The following RORA variants were observed in gnomAD, a reference collection of about 807,000 sequenced individuals.
RORA encodes the protein RAR related orphan receptor A, also known as nuclear receptor ROR-alpha.
Under a neutral mutation model 69.5 loss-of-function variants are expected in RORA, and 7 were observed. The observed-to-expected ratio is 0.10, with a 90% CI of 0.06 to 0.19. The LOEUF (loss-of-function observed/expected upper bound fraction) is 0.19, where lower values mean the gene tolerates loss of function less well. Ranked by LOEUF, RORA falls within the 10% of genes least tolerant of loss-of-function variation. The probability of loss-of-function intolerance (pLI) is 1.00; values close to 1 mark genes in which losing one functional copy is unlikely to be tolerated. For synonymous variants in RORA, 261 were observed against 240.8 expected (o/e 1.08, Z -0.78); for missense variants, 457 against 663.0 (o/e 0.69, Z 3.41).
At position 60,678,780 on chromosome 15, in the gene RORA, A is replaced by C. The variant is rs2070594096; in HGVS notation, c.167-94T>G. 3.8e-6 allele frequency: 4 copies of C among 1,056,614 alleles called. No individual in the cohort carries two copies. In the Admixed American group the frequency reaches 7.1e-5, roughly 19 times the overall value. The allele number at this position is 1,056,614 out of a possible 1,614,324, so 65.5% of individuals were successfully genotyped here. A position where few individuals can be genotyped will look rare whatever the true frequency, so the allele number is the denominator to read the frequency against. On this transcript the variant is annotated intron_variant, in intron 1 of 10. Coordinates refer to ENST00000335670, the MANE Select transcript of RORA (RefSeq NM_134261.3). ...TCCCAGTGTGCTCAGGAAGGCGTTT[A>C]GTTCAGATGGGGAAGTGGAAGCAAG...
intron 1 of RORA, among the ~76,000 whole-genome samples, chr15:60,826,754 T>TCC (rs1310236544): frequency 5.8e-4 from 47 of 81,364 alleles, no homozygotes; most frequent in African/African-American, 1.3e-3. Context: ...TCTCTCTCTC[T>TCC]CTCTCTCTCT....
At chr15:60,505,352 C>G (rs577001367) in intron 6 of RORA, among the ~76,000 whole-genome samples, 156 bp downstream of exon 6, 1 of 152,316 alleles carries the variant, frequency 6.6e-6, no homozygotes, top group South Asian at 2.1e-4. Context: ...AATGGCAAAG[C>G]CTCAAGTACA....
At chr15:61,050,524 C>G (rs1373534658) in intron 1 of RORA, among the ~76,000 whole-genome samples, 1 of 152,200 alleles carries the variant, frequency 6.6e-6, no homozygotes, top group Admixed American at 6.5e-5. Flanking sequence ...CTTCAGGGAG[C>G]TCCCAAGCTA....
intron 1 of RORA, among the ~76,000 whole-genome samples, chr15:60,691,987 A>G (rs2070834505): frequency 6.6e-6 from 1 of 152,192 alleles, no homozygotes; most frequent in Non-Finnish European, 1.5e-5. Context: ...CTTCTCCTAC[A>G]TGGCAATTCA....
intron 1 of RORA, among the ~76,000 whole-genome samples, chr15:60,680,669 G>A (rs1313647787): frequency 2.0e-5 from 3 of 152,112 alleles, no homozygotes; most frequent in Non-Finnish European, 2.9e-5. Flanking sequence ...TTATATTGGA[G>A]TTGCCAGATT....
intron 1 of RORA, among the ~76,000 whole-genome samples, chr15:61,030,560 G>A (rs1190563477): frequency 1.3e-5 from 2 of 152,192 alleles, no homozygotes; most frequent in Non-Finnish European, 2.9e-5. Context: ...AGGAAGAGTT[G>A]AAGCACAGGA....
At chr15:60,618,028 G>C (rs1014929409) in intron 2 of RORA, among the ~76,000 whole-genome samples, 1 of 152,194 alleles carries the variant, frequency 6.6e-6, no homozygotes, top group African/African-American at 2.4e-5. Flanking sequence ...TTGTAACCGA[G>C]GGCAATTTTT....
At chr15:60,946,757 C>A in intron 1 of RORA, among the ~76,000 whole-genome samples, 1 of 151,784 alleles carries the variant, frequency 6.6e-6, no homozygotes, top group South Asian at 2.1e-4. Context: ...AGCCCCTCTG[C>A]CCGGCTGCCC....
chr15:61,066,905 A>T (rs924976471), intron 1 of RORA, among the ~76,000 whole-genome samples: 2 of 110,850 alleles, frequency 1.8e-5, no homozygotes, highest in African/African-American at 7.0e-5. Context: ...AAAAAAAAAA[A>T]ACCCAAAAAG....
chr15:60,739,695 C>A (rs2071548800), intron 1 of RORA, among the ~76,000 whole-genome samples: 1 of 152,162 alleles, frequency 6.6e-6, no homozygotes, highest in Non-Finnish European at 1.5e-5. Context: ...AAGTGCCCTG[C>A]CTCGGGGACC....
In RORA at chr15:60,809,830, T is replaced by C. The variant is rs112766849; in HGVS notation, c.167-131144A>G. Among the ~76,000 whole-genome samples the C allele has an allele frequency of 8.1e-3, 1,240 of 152,244 alleles. 11 individuals carry two copies. The highest frequency in any genetic ancestry group is 0.036 in the East Asian group (185 of 5,186). ...ATTAATAATTAACTTTTTTGCTTGC[T>C]TAATTTTCTCTCTACTTATTTCTTA... On this transcript the variant is annotated intron_variant, in intron 1 of 10. Coordinates refer to ENST00000335670, the MANE Select transcript of RORA (RefSeq NM_134261.3).
chr15:61,008,201 CTCTGTG>C (rs780701163), intron 1 of RORA, among the ~76,000 whole-genome samples: 13,496 of 105,970 alleles, frequency 0.13, 694 homozygotes, highest in South Asian at 0.3. Context: ...TTCTCTCTCT[CTCTGTG>C]TGTGTGTGTG....
At chr15:60,976,957 A>T (rs187427221) in intron 1 of RORA, among the ~76,000 whole-genome samples, 6 of 152,204 alleles carry the variant, frequency 3.9e-5, no homozygotes, top group Non-Finnish European at 5.9e-5. Context: ...TGTTTAGGTG[A>T]CCATGTGTCC....
intron 1 of RORA, among the ~76,000 whole-genome samples, chr15:60,946,502 G>C (rs967798371): frequency 1.3e-5 from 2 of 152,226 alleles, no homozygotes; most frequent in South Asian, 4.1e-4. Flanking sequence ...GCTCCTAACC[G>C]GGAGTGATCT....
At chr15:60,565,041 G>T (rs1049548102) in intron 2 of RORA, among the ~76,000 whole-genome samples, 1 of 152,098 alleles carries the variant, frequency 6.6e-6, no homozygotes, top group African/African-American at 2.4e-5. Context: ...AAGACAGAGT[G>T]TTCCTGAAAC....
intron 1 of RORA, among the ~76,000 whole-genome samples, chr15:61,160,335 C>T (rs1054017033): frequency 1.1e-4 from 17 of 152,120 alleles, no homozygotes; most frequent in African/African-American, 2.9e-4. Flanking sequence ...AAAGTAACTA[C>T]GAGGTGAGAA....
intron 1 of RORA, among the ~76,000 whole-genome samples, chr15:60,973,599 G>A (rs1893789160): frequency 6.6e-6 from 1 of 152,192 alleles, no homozygotes; most frequent in Non-Finnish European, 1.5e-5. Context: ...TTGTAACAGT[G>A]GTGACCTCTG....
chr15:60,517,288 C>T (rs1272362885), intron 3 of RORA, among the ~76,000 whole-genome samples: 4 of 152,022 alleles, frequency 2.6e-5, no homozygotes, highest in Non-Finnish European at 1.5e-5. Context: ...GGGCAGGACC[C>T]TGACTTCTCA....
In RORA at chr15:60,816,762, G is replaced by T. The variant is rs185727252; in HGVS notation, c.167-138076C>A. 2.0e-4 allele frequency among the ~76,000 whole-genome samples: 28 copies of T among 140,844 alleles called. No homozygotes were observed. The East Asian group carries it at 5.6e-3, about 28-fold the overall frequency. 92.4% of individuals were successfully genotyped at this position (140,844 alleles called of 152,430 possible). A position where few individuals can be genotyped will look rare whatever the true frequency, so the allele number is the denominator to read the frequency against. ...AAAAAATAAAATAAAATAAAATAAAGTGTAGTGTTGAAGTCTCCAGCTATC... is the reference window on the plus strand; with the variant it reads ...AAAAAATAAAATAAAATAAAATAAATTGTAGTGTTGAAGTCTCCAGCTATC... On this transcript the variant is annotated intron_variant, in intron 1 of 10. Transcript: ENST00000335670.
Sources: allele counts gnomAD v4.1 joint callset (sites outside exome capture counted in the v4.1 genomes callset), GRCh38; gene constraint gnomAD v4.1.1; transcripts MANE v1.5; gene names NCBI Gene and HGNC (gene_info 2026-07-23, HGNC 2026-07-21).